Variants in SPMAP2L observed in about 807,000 individuals in gnomAD.
The protein encoded by SPMAP2L is sperm microtubule associated protein 2 like.
the SPMAP2L span, among the ~76,000 whole-genome samples, chr4:56,602,374 T>A: frequency 6.6e-6 from 1 of 152,152 alleles, no homozygotes; most frequent in East Asian, 1.9e-4. Flanking sequence ...TGCCATCAGA[T>A]GAAATGAAGC....
At chr4:56,558,918 T>C in the SPMAP2L span, among the ~76,000 whole-genome samples, 4,903 of 152,192 alleles carry the variant, frequency 0.032, 116 homozygotes, top group Non-Finnish European at 0.051. Flanking sequence ...TACATGGTTT[T>C]CTCACCTCTA....
the SPMAP2L span, among the ~76,000 whole-genome samples, chr4:56,615,806 C>T: frequency 6.6e-6 from 1 of 152,060 alleles, no homozygotes; most frequent in Admixed American, 6.6e-5. Context: ...GCCTAGTCCA[C>T]CCTTACAACC....
chr4:56,535,861 C>T, the SPMAP2L span, among the ~76,000 whole-genome samples: 1 of 152,186 alleles, frequency 6.6e-6, no homozygotes, highest in Non-Finnish European at 1.5e-5. Flanking sequence ...AGGCAGGGAT[C>T]CCCAACCTTT....
chr4:56,534,303 A>T, the SPMAP2L span, among the ~76,000 whole-genome samples: 1 of 152,112 alleles, frequency 6.6e-6, no homozygotes, highest in African/African-American at 2.4e-5. Context: ...TTGACACATT[A>T]ACCTCTTATT....
chr4:56,583,600 A>G, the SPMAP2L span, among the ~76,000 whole-genome samples: 1 of 152,256 alleles, frequency 6.6e-6, no homozygotes, highest in South Asian at 2.1e-4. Flanking sequence ...TAGGTTTTTG[A>G]TTAGGGAAAG....
the SPMAP2L span, among the ~76,000 whole-genome samples, chr4:56,540,991 C>T: frequency 6.6e-6 from 1 of 152,210 alleles, no homozygotes; most frequent in Non-Finnish European, 1.5e-5. Flanking sequence ...GAAGAGGAAA[C>T]TTGGTTCTGT....
the SPMAP2L span, among the ~76,000 whole-genome samples, chr4:56,550,477 T>G: frequency 6.6e-6 from 1 of 152,168 alleles, no homozygotes; most frequent in Non-Finnish European, 1.5e-5. Context: ...ATTATGTCAC[T>G]TTCCCAAGGT....
chr4:56,564,502 G>A, the SPMAP2L span, among the ~76,000 whole-genome samples: 6 of 151,860 alleles, frequency 4.0e-5, no homozygotes, highest in Non-Finnish European at 7.4e-5. Context: ...ATTTTCTTAC[G>A]TTTGATATCT....
chr4:56,594,146 G>T, the SPMAP2L span: 1 of 1,611,652 alleles, frequency 6.2e-7, no homozygotes, highest in Non-Finnish European at 8.5e-7. Context: ...TGCAGAACTG[G>T]TTGCTGAAAG....
At chr4:56,598,678 CA>C in the SPMAP2L span, among the ~76,000 whole-genome samples, 2 of 150,568 alleles carry the variant, frequency 1.3e-5, no homozygotes, top group African/African-American at 4.9e-5. Flanking sequence ...GCTGGAATCA[CA>C]GGGATCAAGG....
the SPMAP2L span, chr4:56,584,485 A>G: frequency 1.8e-5 from 27 of 1,496,820 alleles, no homozygotes; most frequent in Admixed American, 3.0e-4. Context: ...TCATGTTTCC[A>G]TTTGCATATA....
chr4:56,540,722 C>T, the SPMAP2L span, among the ~76,000 whole-genome samples: 9 of 152,266 alleles, frequency 5.9e-5, no homozygotes, highest in African/African-American at 1.4e-4. Flanking sequence ...GAACTACTGA[C>T]GAGATAGGTC....
chr4:56,606,635 T>C, the SPMAP2L span, among the ~76,000 whole-genome samples: 4 of 152,118 alleles, frequency 2.6e-5, no homozygotes, highest in Non-Finnish European at 4.4e-5. Context: ...CATCAGGGAC[T>C]GAAAGATTGC....
chr4:56,580,650 T>A, the SPMAP2L span, among the ~76,000 whole-genome samples: 1,013 of 148,534 alleles, frequency 6.8e-3, 13 homozygotes, highest in African/African-American at 0.024. Context: ...AAATAAAAAA[T>A]AAAAAAAAAT....
At chr4:56,587,196 TTTA>T in the SPMAP2L span, among the ~76,000 whole-genome samples, 25 of 152,226 alleles carry the variant, frequency 1.6e-4, no homozygotes, top group Non-Finnish European at 3.1e-4. Flanking sequence ...CCTTTTACAC[TTTA>T]TTTTCATTCA....
At chr4:56,580,823 G>T in the SPMAP2L span, among the ~76,000 whole-genome samples, 2 of 151,870 alleles carry the variant, frequency 1.3e-5, no homozygotes, top group African/African-American at 2.4e-5. Context: ...AAAATCAATT[G>T]TATATCTACT....
the SPMAP2L span, among the ~76,000 whole-genome samples, chr4:56,597,753 T>C: frequency 2.0e-5 from 3 of 152,238 alleles, no homozygotes; most frequent in Non-Finnish European, 4.4e-5. Flanking sequence ...CAGAAAATCA[T>C]AGTCTTAGAA....
At chr4:56,538,465 C>T in the SPMAP2L span, among the ~76,000 whole-genome samples, 4 of 152,138 alleles carry the variant, frequency 2.6e-5, no homozygotes, top group Non-Finnish European at 5.9e-5. Context: ...TTCCTGAAGT[C>T]ACATGGTCAT....
the SPMAP2L span, among the ~76,000 whole-genome samples, chr4:56,535,114 C>G: frequency 6.6e-6 from 1 of 152,324 alleles, no homozygotes; most frequent in Admixed American, 6.5e-5. Flanking sequence ...TTCTCTTACA[C>G]TCAGACTTTA....
Sources: gnomAD v4.1 joint callset for allele counts (sites outside exome capture counted in the v4.1 genomes callset) on GRCh38, gnomAD v4.1.1 for gene constraint, MANE v1.5 for transcripts, NCBI Gene and HGNC (gene_info 2026-07-23, HGNC 2026-07-21) for gene names.